The following KIF11 variants were observed in gnomAD, a reference collection of about 807,000 sequenced individuals.
The protein encoded by KIF11 is kinesin family member 11, also known as kinesin-like protein KIF11.
A neutral mutation model predicts 121.0 loss-of-function variants in KIF11; 9 were observed. The ratio of observed to expected loss-of-function variants is 0.07; its 90% CI spans 0.04 to 0.13. The LOEUF (loss-of-function observed/expected upper bound fraction) is 0.13, where lower values mean the gene tolerates loss of function less well. KIF11 is among the 10% of genes least tolerant of loss of function. The pLI is 1.00. For synonymous variants in KIF11, 408 were observed against 421.0 expected, an observed-to-expected ratio of 0.97 and a Z score of 0.38; for missense variants, 846 against 1,217.5, an observed-to-expected ratio of 0.69 and a Z score of 4.54.
At chr10:92,645,950 C>CTTTTTTTTTTTTTTTTTTTTT in intron 18 of KIF11, among the ~76,000 whole-genome samples, 1 of 101,742 alleles carries the variant, frequency 9.8e-6, no homozygotes, top group Non-Finnish European at 1.9e-5. Flanking sequence ...CTTATATATG[C>CTTTTTTTTTTTTTTTTTTTTT]TTTTTTTTTT....
intron 14 of KIF11, among the ~76,000 whole-genome samples, chr10:92,634,830 G>A (rs1310322258): frequency 6.6e-6 from 1 of 152,096 alleles, no homozygotes; most frequent in African/African-American, 2.4e-5. Flanking sequence ...AACCAGAAGG[G>A]GATATTGGGT....
In KIF11 at chr10:92,613,636, G is replaced by C. The variant is rs1332762552; in HGVS notation, c.1032+17G>C. On this transcript the variant is annotated intron_variant, in intron 8 of 21. Transcript: ENST00000260731. The surrounding 1 kb of genome is among the most constrained non-coding windows in gnomAD (Gnocchi z 4.2). ...AATCTTGAGGTAAGCCCTTTGAAAG[G>C]AAGCTGCAAGTGTAGTAGCTGTAAT... 2.5e-6 allele frequency: 4 copies of C among 1,595,560 alleles called. No individual in the cohort carries two copies. The highest frequency in any genetic ancestry group is 4.5e-5 in the East Asian group (2 of 44,738).
rs1332957983 is a variant in KIF11 at position 92,620,614 on chromosome 10, G to A, written c.1129-771G>A. 2.0e-5 allele frequency among the ~76,000 whole-genome samples: 3 copies of A among 152,180 alleles called. No homozygotes were observed. In the East Asian group the frequency reaches 5.8e-4, roughly 29 times the overall value. On this transcript the variant is annotated intron_variant, in intron 9 of 21. Transcript: ENST00000260731. ...TCATGCTGCTGATAAAGACATACCC[G>A]AGACTGGGCAATTTACAAAAGAAAG...
chr10:92,627,915 A>G lies in KIF11; in HGVS notation c.1218-893A>G, dbSNP rs145137061. ...GGTATAGGGGGCTGAGGATTCCATC[A>G]TTTTGTATGTAGATTTACACTTAAA... On this transcript the variant is annotated intron_variant, in intron 10 of 21. Coordinates refer to ENST00000260731, the MANE Select transcript of KIF11 (RefSeq NM_004523.4). 6.6e-3 allele frequency among the ~76,000 whole-genome samples: 1,005 copies of G among 152,252 alleles called. 10 individuals are homozygous for G. The highest frequency in any genetic ancestry group is 0.023 in the African/African-American group (956 of 41,552).
At chr10:92,621,608 G>GTGTGTGTGTGTGTGTGTGTGTGTGTGTT in intron 10 of KIF11, 135 bp downstream of exon 10, 2 of 582,354 alleles carry the variant, frequency 3.4e-6, no homozygotes, top group South Asian at 4.0e-5. Context: ...GTGTGTGTGT[G>GTGTGTGTGTGTGTGTGTGTGTGTGTGTT]TGTTTTCTTT....
chr10:92,649,895 G>A lies in KIF11; in HGVS notation c.2831G>A (p.Arg944His), dbSNP rs756134992. ...YPSTLVRTEP[R>H]EHLLDQLKRK... ...TCAACACTGGTAAGAACTGAACCAC[G>A]TGAACATCTCCTTGATCAGCTGAAA... Residue 944 changes from arginine to histidine, a missense_variant, in exon 20 of 22, where the codon CGT becomes CAT. By Grantham distance (29) the Arg-to-His change is conservative (BLOSUM62 0). This residue lies in a region of KIF11 where 492 missense variants were observed against 603.4 expected (regional missense o/e 0.82). Coordinates refer to ENST00000260731, the MANE Select transcript of KIF11 (RefSeq NM_004523.4). 5.6e-6 allele frequency: 9 copies of A among 1,613,088 alleles called. No homozygotes were observed. The highest frequency in any genetic ancestry group is 7.6e-6 in the Non-Finnish European group (9 of 1,179,164).
In KIF11 at chr10:92,595,152, C is replaced by T. The variant is rs750502771; in HGVS notation, c.77+1700C>T. On this transcript the variant is annotated intron_variant, in intron 1 of 21. Coordinates refer to ENST00000260731, the MANE Select transcript of KIF11 (RefSeq NM_004523.4). ...TCAGCTCACTGCAACCTCCGCCTCC[C>T]GGATTCAAGCAATTTTCCCACTTCA... Among the ~76,000 whole-genome samples, 4 of 152,196 alleles carry T rather than the reference C, an allele frequency of 2.6e-5. 1 individual carries two copies. The highest frequency in any genetic ancestry group is 3.8e-4 in the East Asian group (2 of 5,200).
intron 1 of KIF11, among the ~76,000 whole-genome samples, chr10:92,596,590 G>T (rs2135894481): frequency 6.7e-6 from 1 of 150,246 alleles, no homozygotes; most frequent in South Asian, 2.1e-4. Flanking sequence ...CTATCTCATT[G>T]TAGTTTTGAT....
chr10:92,636,759 G>A (rs1200707629), intron 14 of KIF11, among the ~76,000 whole-genome samples: 3 of 151,524 alleles, frequency 2.0e-5, no homozygotes, highest in East Asian at 3.9e-4. Context: ...GGGGCCGGGC[G>A]CGGTGGCTCA....
chr10:92,605,800 A>G (rs1191763791), intron 1 of KIF11, among the ~76,000 whole-genome samples: 1 of 152,106 alleles, frequency 6.6e-6, no homozygotes, highest in Non-Finnish European at 1.5e-5. Context: ...TCAGATTTTA[A>G]GAATAGGAGA....
chr10:92,649,452 C>A (rs1844957215), intron 19 of KIF11, among the ~76,000 whole-genome samples: 1 of 152,118 alleles, frequency 6.6e-6, no homozygotes. Flanking sequence ...ATTTAACCAC[C>A]ACACCACATT....
At chr10:92,646,389 G>A (rs1398355345) in intron 18 of KIF11, among the ~76,000 whole-genome samples, 1 of 152,164 alleles carries the variant, frequency 6.6e-6, no homozygotes, top group Admixed American at 6.5e-5. Context: ...TGAGCCCTTT[G>A]TAACTTGGTT....
At position 92,613,312 on chromosome 10, in the gene KIF11, A is replaced by C; in HGVS notation, c.790-65A>C. The C allele has an allele frequency of 8.2e-7, 1 of 1,219,186 alleles. No homozygotes were observed. The highest frequency in any genetic ancestry group is 1.1e-6 in the Non-Finnish European group (1 of 873,626). 75.5% of individuals were successfully genotyped at this position (1,219,186 alleles called of 1,614,324 possible). ...GATTTAATACATTATGTATCCTGTGAGAATGAAAGTCTTTGAATCCAAATC... is the reference window on the plus strand; with the variant it reads ...GATTTAATACATTATGTATCCTGTGCGAATGAAAGTCTTTGAATCCAAATC... On this transcript the variant is annotated intron_variant, in intron 7 of 21. Transcript: ENST00000260731. The surrounding 1 kb of genome is among the most constrained non-coding windows in gnomAD (Gnocchi z 4.2).
At chr10:92,614,543 A>G (rs904727111) in intron 8 of KIF11, among the ~76,000 whole-genome samples, 2 of 152,094 alleles carry the variant, frequency 1.3e-5, no homozygotes, top group African/African-American at 4.8e-5. Flanking sequence ...CTTTTTCCAC[A>G]CAGTCTTCAA....
chr10:92,607,142 C>G lies in KIF11; in HGVS notation c.309-17C>G. The G allele has an allele frequency of 6.6e-7, 1 of 1,507,686 alleles. No homozygotes were observed. The highest frequency in any genetic ancestry group is 9.2e-7 in the Non-Finnish European group (1 of 1,084,628). The allele number at this position is 1,507,686 out of a possible 1,614,324, so 93.4% of individuals were successfully genotyped here. ...GTGCATGTTTCTTTTTGATTTAACACTTGTTAATCTTTACAGGTATGGCCA... is the reference window on the plus strand; with the variant it reads ...GTGCATGTTTCTTTTTGATTTAACAGTTGTTAATCTTTACAGGTATGGCCA... On this transcript the variant is annotated splice_polypyrimidine_tract_variant and intron_variant, in intron 3 of 21. Transcript: ENST00000260731.
intron 9 of KIF11, among the ~76,000 whole-genome samples, chr10:92,617,477 T>C (rs1006478522): frequency 2.0e-5 from 3 of 152,232 alleles, no homozygotes; most frequent in Admixed American, 2.0e-4. Context: ...AATGCCATTG[T>C]GAACATTTCT....
chr10:92,605,735 C>T (rs1017520952), intron 1 of KIF11, among the ~76,000 whole-genome samples: 2 of 152,194 alleles, frequency 1.3e-5, no homozygotes, highest in African/African-American at 4.8e-5. Flanking sequence ...ATCCGCCTGC[C>T]TCGGCCTCCC....
At chr10:92,639,467 CT>C (rs1247204003) in intron 16 of KIF11, among the ~76,000 whole-genome samples, 1 of 151,966 alleles carries the variant, frequency 6.6e-6, no homozygotes, top group Non-Finnish European at 1.5e-5. Flanking sequence ...TGGCTCATGC[CT>C]GTGTAGTCCC....
At chr10:92,651,548 T>TTTTTTTTTTG (rs1844984273) in intron 21 of KIF11, among the ~76,000 whole-genome samples, 3 of 117,108 alleles carry the variant, frequency 2.6e-5, no homozygotes, top group Non-Finnish European at 5.3e-5. Flanking sequence ...TTTTTTTTTT[T>TTTTTTTTTTG]AGTAGAGGGG....
Sources: allele counts gnomAD v4.1 joint callset (sites outside exome capture counted in the v4.1 genomes callset), GRCh38; gene constraint gnomAD v4.1.1; regional missense constraint gnomAD v4.1.1; non-coding constraint Gnocchi (gnomAD v3.1); transcripts MANE v1.5; gene names NCBI Gene and HGNC (gene_info 2026-07-23, HGNC 2026-07-21).